Variants in PSMA4 observed in about 807,000 individuals in gnomAD.
PSMA4 encodes the protein proteasome subunit alpha type-4.
Under a neutral mutation model 37.2 loss-of-function variants are expected in PSMA4, and 8 were observed. The observed-to-expected ratio is 0.22, with a 90% CI of 0.13 to 0.39. PSMA4 has a LOEUF of 0.39. Ranked by LOEUF, PSMA4 falls within the 10% of genes least tolerant of loss-of-function variation. The pLI is 1.00. For missense variants in PSMA4, 169 were observed against 305.1 expected, an observed-to-expected ratio of 0.55 and a Z score of 3.32; for synonymous variants, 93 against 98.8, an observed-to-expected ratio of 0.94 and a Z score of 0.35.
In PSMA4 at chr15:78,546,626, A is replaced by C; in HGVS notation, c.559A>C (p.Lys187Gln). The C allele has an allele frequency of 6.2e-7, 1 of 1,603,946 alleles. No homozygotes were observed. Among genetic ancestry groups the C allele is most frequent in the Admixed American group, 1.7e-5 (1 of 57,372 alleles). Residue 187 changes from lysine to glutamine, a missense_variant, in exon 8 of 9, where the codon AAG becomes CAG. By Grantham distance (53) the Lys-to-Gln change is moderately conservative (BLOSUM62 1). This residue lies in a region of PSMA4 where 90 missense variants were observed against 92.7 expected (regional missense o/e 0.97). Coordinates refer to ENST00000044462, the MANE Select transcript of PSMA4 (RefSeq NM_002789.6). The stretch of plus-strand genomic sequence containing the variant: ...CTATAAAGAAGGAGAAATGACCTTG[A>C]AGTCAGCACTTGCTTTAGCTATCAA... ...QDYKEGEMTL[K>Q]SALALAIKVL...
At position 78,549,198 on chromosome 15, in the gene PSMA4, G is replaced by A. The variant is rs2052609861; in HGVS notation, c.*254G>A. On this transcript the variant is annotated 3_prime_UTR_variant, in exon 9 of 9. Coordinates refer to ENST00000044462, the MANE Select transcript of PSMA4 (RefSeq NM_002789.6). ...TAAAATTTGGAAAATGGAAATGAAG[G>A]AATAAATTCTCTGTAGCAGTAATTG... The A allele has an allele frequency of 8.5e-6, 3 of 351,226 alleles. No individual in the cohort carries two copies. The highest frequency in any genetic ancestry group is 1.4e-5 in the Non-Finnish European group (3 of 219,128). The allele number at this position is 351,226 out of a possible 1,614,324, so 21.8% of individuals were successfully genotyped here.
At position 78,546,782 on chromosome 15, in the gene PSMA4, T is replaced by G. The variant is rs571639527; in HGVS notation, c.631+84T>G. The G allele has an allele frequency of 6.0e-5, 84 of 1,389,724 alleles. No individual in the cohort carries two copies. The African/African-American group carries it at 1.1e-3, about 19-fold the overall frequency. The allele number at this position is 1,389,724 out of a possible 1,614,324, so 86.1% of individuals were successfully genotyped here. On this transcript the variant is annotated intron_variant, in intron 8 of 8. Transcript: ENST00000044462. Reference sequence around the variant, plus strand: ...AAGATTTTTTTCTTTTTTTTTTTTTTTTGAGATGGAGTCTCGCTCTGTTGC... The same window carrying G: ...AAGATTTTTTTCTTTTTTTTTTTTTGTTGAGATGGAGTCTCGCTCTGTTGC...
Position 78,548,995 on chromosome 15 carries a change from T to C in PSMA4, c.*51T>C. On this transcript the variant is annotated 3_prime_UTR_variant, in exon 9 of 9. Coordinates refer to ENST00000044462, the MANE Select transcript of PSMA4 (RefSeq NM_002789.6). ...GGGCACCATTTCAGTGTAAAAGCAG[T>C]CCTACTCTTCCACACTAGGAAGGCT... The C allele has an allele frequency of 1.9e-6, 3 of 1,552,660 alleles. No homozygotes were observed. Among genetic ancestry groups the C allele is most frequent in the Non-Finnish European group, 2.6e-6 (3 of 1,154,344 alleles).
intron 5 of PSMA4, chr15:78,544,473 G>C (rs559840516): frequency 4.4e-4 from 218 of 495,898 alleles, no homozygotes; most frequent in Non-Finnish European, 7.1e-4. Flanking sequence ...GTTAATTTTT[G>C]TATTTTTAGT....
In PSMA4 at chr15:78,549,125, C is replaced by G. The variant is rs143345504; in HGVS notation, c.*181C>G. The G allele has an allele frequency of 8.4e-6, 8 of 957,662 alleles. No individual in the cohort carries two copies. In the African/African-American group the frequency reaches 1.4e-4, roughly 16 times the overall value. 59.3% of individuals were successfully genotyped at this position (957,662 alleles called of 1,614,324 possible). ...TACTTTATTGTAACGATGATGGTTACCCTTCATGGACGTCTTAATCTTCCA... is the reference window on the plus strand; with the variant it reads ...TACTTTATTGTAACGATGATGGTTAGCCTTCATGGACGTCTTAATCTTCCA... On this transcript the variant is annotated 3_prime_UTR_variant, in exon 9 of 9. Coordinates refer to ENST00000044462, the MANE Select transcript of PSMA4 (RefSeq NM_002789.6).
Position 78,542,633 on chromosome 15 carries a change from A to G in PSMA4, c.197A>G (p.Tyr66Cys). The G allele has an allele frequency of 6.2e-7, 1 of 1,607,024 alleles. No homozygotes were observed. Among genetic ancestry groups the G allele is most frequent in the Non-Finnish European group, 8.5e-7 (1 of 1,178,082 alleles). The change falls in exon 4 of 9, where the codon TAT becomes TGT. Residue 66 changes from tyrosine to cysteine, a missense_variant. By Grantham distance (194) the Tyr-to-Cys change is radical. Transcript: ENST00000044462. ...GAAGTCTTTTTTTCTGAAAAAATTTATAAACTCAATGAGTAAGTGAGATTT... is the reference window on the plus strand; with the variant it reads ...GAAGTCTTTTTTTCTGAAAAAATTTGTAAACTCAATGAGTAAGTGAGATTT... Reference protein sequence around the residue: ...LDEVFFSEKIYKLNEDMACSV... With the variant: ...LDEVFFSEKICKLNEDMACSV...
rs894906800 is a variant in PSMA4, at chr15:78,549,946, A to G, written c.*1002A>G. On this transcript the variant is annotated 3_prime_UTR_variant, in exon 9 of 9. Transcript: ENST00000044462. ...TTTACCCTTCTCTCAGCTGTTGTCA[A>G]CCAAATATGTGCTCCCAGTCTAATT... 1.3e-5 allele frequency: 2 copies of G among 152,846 alleles called. No homozygotes were observed. Among genetic ancestry groups the G allele is most frequent in the Non-Finnish European group, 2.9e-5 (2 of 68,464 alleles). The allele number at this position is 152,846 out of a possible 1,614,324, so 9.5% of individuals were successfully genotyped here. A position where few individuals can be genotyped will look rare whatever the true frequency, so the allele number is the denominator to read the frequency against.
intron 6 of PSMA4, among the ~76,000 whole-genome samples, chr15:78,545,303 C>T (rs775758576): frequency 2.6e-5 from 4 of 152,140 alleles, no homozygotes; most frequent in East Asian, 1.9e-4. Context: ...CATGAATGAA[C>T]GTGTTCCTCC....
At chr15:78,540,948 C>T (rs2052439086) in intron 1 of PSMA4, 1 of 152,348 alleles carries the variant, frequency 6.6e-6, no homozygotes, top group South Asian at 2.1e-4. Context: ...TCAGAAATCC[C>T]CGGCGAGTGT....
intron 2 of PSMA4, 31 bp downstream of exon 2, chr15:78,541,961 G>T (rs764655823): frequency 1.3e-6 from 2 of 1,591,790 alleles, no homozygotes; most frequent in Non-Finnish European, 1.7e-6. Context: ...ATAAACGGTT[G>T]CCTGATAAAC....
chr15:78,545,168 A>G (rs2052530134), intron 6 of PSMA4, among the ~76,000 whole-genome samples: 1 of 152,214 alleles, frequency 6.6e-6, no homozygotes, highest in Non-Finnish European at 1.5e-5. Flanking sequence ...TGGCACATTC[A>G]TCATCTCAAA....
At chr15:78,545,111 G>A (rs986159282) in intron 6 of PSMA4, among the ~76,000 whole-genome samples, 154 bp downstream of exon 6, 7 of 151,958 alleles carry the variant, frequency 4.6e-5, no homozygotes, top group Admixed American at 6.6e-5. Context: ...ATATTCATGA[G>A]GTACATAATG....
At chr15:78,548,578 C>T (rs1218935685) in intron 8 of PSMA4, among the ~76,000 whole-genome samples, 3 of 151,890 alleles carry the variant, frequency 2.0e-5, no homozygotes, top group South Asian at 2.1e-4. Flanking sequence ...GCTGAGGAGA[C>T]GATATTTAAG....
At position 78,546,261 on chromosome 15, in the gene PSMA4, T is replaced by C. The variant is rs966727020; in HGVS notation, c.508-314T>C. The stretch of plus-strand genomic sequence containing the variant: ...GAGTTCGAGACCAGCCTGGGCAACA[T>C]AGCAGAACCCCATCTCTACAAAAAA... On this transcript the variant is annotated intron_variant, in intron 7 of 8. Transcript: ENST00000044462. 3.3e-5 allele frequency among the ~76,000 whole-genome samples: 5 copies of C among 151,900 alleles called. No homozygotes were observed. In the East Asian group the frequency reaches 7.8e-4, roughly 24 times the overall value.
In PSMA4 at chr15:78,546,577, A is replaced by G. The variant is rs140433184; in HGVS notation, c.510A>G (p.Ala170=). 1 of 1,580,350 alleles carries G rather than the reference A, an allele frequency of 6.3e-7. No individual in the cohort carries two copies. The highest frequency in any genetic ancestry group is 8.5e-7 in the Non-Finnish European group (1 of 1,171,526). The change falls in exon 8 of 9, where the codon GCA becomes GCG. Residue 170 remains alanine, a splice_region_variant and synonymous_variant. Transcript: ENST00000044462. ...KATCIGNNSA[A]AVSMLKQDYK... The stretch of plus-strand genomic sequence containing the variant: ...CTATGTTGATTCATGTTTTATAGGC[A>G]GCTGTGTCAATGTTGAAACAAGACT...
intron 5 of PSMA4, chr15:78,544,591 A>C: frequency 2.2e-6 from 1 of 450,258 alleles, no homozygotes; most frequent in Non-Finnish European, 3.9e-6. Flanking sequence ...TAGCCACTGC[A>C]CCTGGCCTAG....
intron 7 of PSMA4, 101 bp from the exon 8 acceptor site, chr15:78,546,474 C>A (rs2052554694): frequency 1.9e-5 from 20 of 1,033,872 alleles, no homozygotes; most frequent in Admixed American, 6.7e-5. Flanking sequence ...ATTGTTTATA[C>A]TTGTAATGCC....
chr15:78,548,224 T>C (rs1355417066), intron 8 of PSMA4, among the ~76,000 whole-genome samples: 2 of 150,968 alleles, frequency 1.3e-5, no homozygotes, highest in African/African-American at 4.9e-5. Context: ...AGAGCAAAAC[T>C]CCATCTCAAA....
intron 7 of PSMA4, among the ~76,000 whole-genome samples, chr15:78,546,299 C>T (rs561079902): frequency 2.0e-5 from 3 of 152,032 alleles, no homozygotes; most frequent in South Asian, 4.2e-4. Context: ...CAAAAATTTG[C>T]TGGGCGCCAT....
Sources: gnomAD v4.1 joint callset for allele counts (sites outside exome capture counted in the v4.1 genomes callset) on GRCh38, gnomAD v4.1.1 for gene constraint, gnomAD v4.1.1 regional missense constraint, MANE v1.5 for transcripts, NCBI Gene and HGNC (gene_info 2026-07-23, HGNC 2026-07-21) for gene names.